Variants in EMILIN2 observed in about 807,000 individuals in gnomAD.
The protein encoded by EMILIN2 is EMILIN-2.
In EMILIN2, 71 loss-of-function variants were observed where a neutral mutation model predicts 87.1. The ratio of observed to expected loss-of-function variants is 0.82; its 90% CI spans 0.67 to 0.99. EMILIN2 has a LOEUF of 0.99. Among genes scored for constraint, EMILIN2 ranks in the 50% least tolerant of loss-of-function variants. EMILIN2 has a pLI of 0.00. For synonymous variants in EMILIN2, 581 were observed against 563.4 expected (o/e 1.03, Z -0.44); for missense variants, 1,407 against 1,371.8 (o/e 1.03, Z -0.40).
chr18:2,893,953 G>C (rs2076851717), intron 4 of EMILIN2, among the ~76,000 whole-genome samples: 1 of 152,160 alleles, frequency 6.6e-6, no homozygotes, highest in Admixed American at 6.5e-5. Context: ...GGGACTTGTT[G>C]AGGGGCCTGC....
In EMILIN2 at chr18:2,890,820, G is replaced by T; in HGVS notation, c.693G>T (p.Gln231His). 1.9e-6 allele frequency: 3 copies of T among 1,613,668 alleles called. No homozygotes were observed. Among genetic ancestry groups the T allele is most frequent in the Non-Finnish European group, 2.5e-6 (3 of 1,179,836 alleles). ...CACGGGCACCAGGGCTCAGCAGCCAGCACCCCAAGCCTGACACCACTGTTA... is the reference window on the plus strand; with the variant it reads ...CACGGGCACCAGGGCTCAGCAGCCATCACCCCAAGCCTGACACCACTGTTA... The part of the protein sequence containing the change: ...SRTRAPGLSS[Q>H]HPKPDTTVSG... The change falls in exon 4 of 8, where the codon CAG (glutamine) becomes CAT (histidine). Residue 231 changes from glutamine to histidine, a missense_variant. Physicochemically the swap from Gln to His is conservative, Grantham distance 24. Transcript: ENST00000254528. The surrounding 1 kb of genome is among the most constrained non-coding windows in gnomAD (Gnocchi z 4.7).
intron 4 of EMILIN2, among the ~76,000 whole-genome samples, chr18:2,905,345 A>G (rs1296735415): frequency 7.1e-6 from 1 of 141,582 alleles, no homozygotes; most frequent in African/African-American, 2.6e-5. Context: ...TCTTAGTTTT[A>G]TTTTTTTAAT....
chr18:2,909,637 C>A (rs891335279), intron 6 of EMILIN2, 54 bp from the exon 7 acceptor site: 29 of 1,594,296 alleles, frequency 1.8e-5, no homozygotes, highest in Non-Finnish European at 2.4e-5. Context: ...CAGGCCCTCC[C>A]CCTGGAGGAC....
rs771961196 is a variant in EMILIN2, at chr18:2,892,136, T to A, written c.2009T>A (p.Leu670Gln). 1.9e-6 allele frequency: 3 copies of A among 1,610,056 alleles called. No homozygotes were observed. Among genetic ancestry groups the A allele is most frequent in the Non-Finnish European group, 2.5e-6 (3 of 1,177,190 alleles). ...QHPVAHCCSQ[L>Q]EERWQRLQSQ... is the part of the protein sequence containing the mutation. ...CCCGTGGCTCATTGCTGCAGTCAGC[T>A]GGAGGAGAGGTGGCAGAGGTTGCAG... is the stretch of plus-strand genomic sequence containing the variant. The change falls in exon 4 of 8, where the codon CTG becomes CAG. Residue 670 changes from leucine to glutamine, a missense_variant. Leu to Gln is a moderately radical substitution (Grantham distance 113, BLOSUM62 -2). Transcript: ENST00000254528.
intron 2 of EMILIN2, among the ~76,000 whole-genome samples, chr18:2,859,214 T>C (rs1005763526): frequency 2.0e-5 from 3 of 152,166 alleles, no homozygotes; most frequent in Non-Finnish European, 2.9e-5. Context: ...TTTCACCACA[T>C]ACAAGCCAAT....
chr18:2,873,590 C>G (rs892271232), intron 2 of EMILIN2, among the ~76,000 whole-genome samples: 2 of 151,556 alleles, frequency 1.3e-5, no homozygotes, highest in Admixed American at 6.6e-5. Flanking sequence ...GCCTGTAGTC[C>G]CAGCTACTCG....
intron 4 of EMILIN2, among the ~76,000 whole-genome samples, chr18:2,896,609 G>A (rs2076864823): frequency 6.6e-6 from 1 of 152,170 alleles, no homozygotes; most frequent in South Asian, 2.1e-4. Flanking sequence ...CAGGTAGCTA[G>A]TACTACTGGC....
At chr18:2,906,491 T>TG (rs11445475) in intron 4 of EMILIN2, 293,179 of 293,188 alleles carry the variant, frequency 1, 146,585 homozygotes, top group Middle Eastern at 1. Flanking sequence ...CGGGAATTGT[T>TG]GATGCCGGAG....
intron 2 of EMILIN2, among the ~76,000 whole-genome samples, chr18:2,860,384 CA>C (rs2076654643): frequency 6.6e-6 from 1 of 152,142 alleles, no homozygotes; most frequent in Non-Finnish European, 1.5e-5. Context: ...CTATCCCTCC[CA>C]CTTCCCCCAA....
chr18:2,906,974 G>A lies in EMILIN2; in HGVS notation c.2551G>A (p.Ala851Thr). The change falls in exon 5 of 8, where the codon GCC becomes ACC. Residue 851 changes from alanine (A) to threonine (T), a missense_variant. Transcript: ENST00000254528. Reference sequence around the variant, plus strand: ...CGGGGTCATCGCGGAGACGGGCCAGGCCGGGCCCCCCGCAGGCGCAGGCGT... The same window carrying A: ...CGGGGTCATCGCGGAGACGGGCCAGACCGGGCCCCCCGCAGGCGCAGGCGT... ...STGVIAETGQ[A>T]GPPAGAGVSG... The A allele has an allele frequency of 7.2e-7, 1 of 1,391,940 alleles. No homozygotes were observed. The allele number at this position is 1,391,940 out of a possible 1,614,324, so 86.2% of individuals were successfully genotyped here. A position where few individuals can be genotyped will look rare whatever the true frequency, so the allele number is the denominator to read the frequency against.
At chr18:2,893,287 T>G (rs1352243560) in intron 4 of EMILIN2, among the ~76,000 whole-genome samples, 2 of 152,178 alleles carry the variant, frequency 1.3e-5, no homozygotes, top group Admixed American at 1.3e-4. Flanking sequence ...GTCTCCTACG[T>G]ACCTCTCTTC....
intron 2 of EMILIN2, among the ~76,000 whole-genome samples, chr18:2,855,672 GGAAGAGGAGACA>G (rs975091611): frequency 1.3e-5 from 2 of 152,138 alleles, no homozygotes; most frequent in Admixed American, 6.5e-5. Flanking sequence ...GACGTGCTTC[GGAAGAGGAGACA>G]GAAGAGTTGT....
rs77669761 is a variant in EMILIN2 at position 2,875,726 on chromosome 18, C to T, written c.258-9238C>T. ...AGTTGGAGATGATGTCATTTTTAGC[C>T]ATGTGAGTTTGCTCAGAAGGAAGGT... On this transcript the variant is annotated intron_variant, in intron 2 of 7. Transcript: ENST00000254528. Among the ~76,000 whole-genome samples, 579 of 152,314 alleles carry T rather than the reference C, an allele frequency of 3.8e-3. 2 individuals are homozygous for T. The highest frequency in any genetic ancestry group is 0.014 in the African/African-American group (567 of 41,564).
chr18:2,913,432 A>G lies in EMILIN2; in HGVS notation c.*28A>G. On this transcript the variant is annotated 3_prime_UTR_variant, in exon 8 of 8. Coordinates refer to ENST00000254528, the MANE Select transcript of EMILIN2 (RefSeq NM_032048.3). Reference sequence around the variant, plus strand: ...TGGCTGGGGAGATGTCAGGGGAAAGATAGATAGTTGTAAAAACTCTAAAGC... The same window carrying G: ...TGGCTGGGGAGATGTCAGGGGAAAGGTAGATAGTTGTAAAAACTCTAAAGC... 3 of 1,506,208 alleles carry G rather than the reference A, an allele frequency of 2.0e-6. No individual in the cohort carries two copies. 93.3% of individuals were successfully genotyped at this position (1,506,208 alleles called of 1,614,324 possible). A position where few individuals can be genotyped will look rare whatever the true frequency, so the allele number is the denominator to read the frequency against.
At position 2,890,649 on chromosome 18, in the gene EMILIN2, G is replaced by C; in HGVS notation, c.522G>C (p.Glu174Asp). 4 of 1,614,082 alleles carry C rather than the reference G, an allele frequency of 2.5e-6. No individual in the cohort carries two copies. The highest frequency in any genetic ancestry group is 2.5e-6 in the Non-Finnish European group (3 of 1,179,932). Residue 174 changes from glutamate to aspartate, a missense_variant, in exon 4 of 8, where the codon GAG becomes GAC. Coordinates refer to ENST00000254528, the MANE Select transcript of EMILIN2 (RefSeq NM_032048.3). The surrounding 1 kb of genome is among the most constrained non-coding windows in gnomAD (Gnocchi z 4.7). ...AQPSWGVDPK[E>D]GPQELQEKKI... ...CAAGCTGGGGGGTAGATCCAAAAGA[G>C]GGGCCTCAGGAACTTCAGGAAAAGA...
At position 2,894,627 on chromosome 18, in the gene EMILIN2, TG is replaced by T. The variant is rs1397772941; in HGVS notation, c.2359+2147del. On this transcript the variant is annotated intron_variant, in intron 4 of 7. Transcript: ENST00000254528. This position sits in a 1 kb window ranked among gnomAD's most constrained non-coding sequence, Gnocchi z 5.0. ...CGCATTTGTCTGTTGCAGTAGGAGT[TG>T]GGGGGTGAATTCTTTTAAAAGAGAA... 2.0e-5 allele frequency among the ~76,000 whole-genome samples: 3 copies of T among 152,166 alleles called. No homozygotes were observed. Among genetic ancestry groups the T allele is most frequent in the Non-Finnish European group, 4.4e-5 (3 of 68,032 alleles).
rs556593027 is a variant in EMILIN2, at chr18:2,907,218, G to T, written c.2662+133G>T. 57 of 1,022,566 alleles carry T rather than the reference G, an allele frequency of 5.6e-5. No individual in the cohort carries two copies. In the South Asian group the frequency reaches 2.4e-3, roughly 44 times the overall value. 63.3% of individuals were successfully genotyped at this position (1,022,566 alleles called of 1,614,324 possible). On this transcript the variant is annotated intron_variant, in intron 5 of 7. Coordinates refer to ENST00000254528, the MANE Select transcript of EMILIN2 (RefSeq NM_032048.3). ...GGGCAAGTTCCGAAATGCAGCTTTG[G>T]AAGGATGCCGAGGCCCGAGGGACCG...
chr18:2,913,313 T>G lies in EMILIN2; in HGVS notation c.3071T>G (p.Val1024Gly). 1.2e-6 allele frequency: 2 copies of G among 1,613,146 alleles called. No homozygotes were observed. Among genetic ancestry groups the G allele is most frequent in the Non-Finnish European group, 1.7e-6 (2 of 1,179,480 alleles). The change falls in exon 8 of 8, where the codon GTG (valine) becomes GGG (glycine). Residue 1024 changes from valine (V) to glycine (G), a missense_variant. Coordinates refer to ENST00000254528, the MANE Select transcript of EMILIN2 (RefSeq NM_032048.3). Reference protein sequence around the residue: ...LKAGDAVNVVVTGGKLAHTDF... With the variant: ...LKAGDAVNVVGTGGKLAHTDF... ...GCGGGAGATGCAGTCAACGTCGTGG[T>G]GACTGGGGGCAAGCTGGCTCACACA...
chr18:2,846,732 A>G (rs2076575606), upstream of EMILIN2: 2 of 984,704 alleles, frequency 2.0e-6, no homozygotes, highest in South Asian at 9.4e-5. The surrounding 1 kb of genome is among the most constrained non-coding windows in gnomAD (Gnocchi z 5.3). Context: ...GCCGGGAGCG[A>G]GCCTGTCGGA....
Sources: gnomAD v4.1 joint callset for allele counts (sites outside exome capture counted in the v4.1 genomes callset) on GRCh38, gnomAD v4.1.1 for gene constraint, Gnocchi (gnomAD v3.1) non-coding constraint, MANE v1.5 for transcripts, NCBI Gene and HGNC (gene_info 2026-07-23, HGNC 2026-07-21) for gene names.